The following SPTLC3 variants were observed in gnomAD, a reference collection of about 807,000 sequenced individuals.
SPTLC3 encodes the protein serine palmitoyltransferase long chain base subunit 3.
SPTLC3 carries 36 observed loss-of-function variants against 59.3 expected under a neutral mutation model. That is an observed-to-expected ratio of 0.61 (90% CI 0.47 to 0.80). The LOEUF is 0.80. Among genes scored for constraint, SPTLC3 ranks in the 30% least tolerant of loss-of-function variants. The probability of loss-of-function intolerance (pLI) is 0.00; values close to 1 mark genes in which losing one functional copy is unlikely to be tolerated. For missense variants in SPTLC3, 625 were observed against 685.1 expected (o/e 0.91, Z 0.98); for synonymous variants, 257 against 240.8 (o/e 1.07, Z -0.62).
intron 6 of SPTLC3, among the ~76,000 whole-genome samples, chr20:13,096,264 T>C (rs189752029): frequency 1.6e-4 from 25 of 152,232 alleles, no homozygotes; most frequent in African/African-American, 5.1e-4. Context: ...ACCCAGAAAT[T>C]CTATACCTAG....
At chr20:13,126,511 G>C in intron 8 of SPTLC3, 80 bp from the exon 9 acceptor site, 6 of 1,533,534 alleles carry the variant, frequency 3.9e-6, no homozygotes, top group Non-Finnish European at 5.3e-6. Context: ...TATGAGGATA[G>C]GGATGGGACT....
At chr20:13,040,372 T>A (rs1448252463) in intron 1 of SPTLC3, among the ~76,000 whole-genome samples, 2 of 152,138 alleles carry the variant, frequency 1.3e-5, no homozygotes, top group South Asian at 2.1e-4. Flanking sequence ...TTATACTTTT[T>A]TTTTTTTGAC....
At chr20:13,124,566 G>C (rs529032760) in intron 8 of SPTLC3, among the ~76,000 whole-genome samples, 50 of 152,112 alleles carry the variant, frequency 3.3e-4, no homozygotes, top group Admixed American at 5.9e-4. Flanking sequence ...ATAGAAGAAG[G>C]ACGGGTGAAA....
intron 9 of SPTLC3, among the ~76,000 whole-genome samples, chr20:13,137,863 C>T (rs549715809): frequency 6.6e-6 from 1 of 152,156 alleles, no homozygotes; most frequent in Non-Finnish European, 1.5e-5. Context: ...CTTCACCACA[C>T]AGACCTTCCT....
intron 8 of SPTLC3, among the ~76,000 whole-genome samples, chr20:13,119,112 G>A (rs936543769): frequency 2.6e-5 from 4 of 152,202 alleles, no homozygotes; most frequent in African/African-American, 9.6e-5. Flanking sequence ...GGAGCAGAGG[G>A]TCTCAAATTT....
chr20:13,028,660 G>A (rs1986278432), intron 1 of SPTLC3, among the ~76,000 whole-genome samples: 2 of 152,076 alleles, frequency 1.3e-5, no homozygotes, highest in South Asian at 4.2e-4. Flanking sequence ...TAGTATTTAG[G>A]AACTATTAGA....
chr20:13,099,037 C>A lies in SPTLC3; in HGVS notation c.826+5460C>A, dbSNP rs552950856. Among the ~76,000 whole-genome samples, 10 of 152,218 alleles carry A rather than the reference C, an allele frequency of 6.6e-5. No individual in the cohort carries two copies. The South Asian group carries it at 2.1e-3, about 32-fold the overall frequency. ...CCTCCAAAGACGTCCATGCCCTCAT[C>A]CCCAGAACCTACAAACATTATGTTG... is the stretch of plus-strand genomic sequence containing the variant. On this transcript the variant is annotated intron_variant, in intron 6 of 11. Transcript: ENST00000399002.
intron 10 of SPTLC3, 136 bp downstream of exon 10, chr20:13,154,274 C>A: frequency 8.9e-7 from 1 of 1,123,190 alleles, no homozygotes; most frequent in Non-Finnish European, 1.3e-6. Context: ...TTCTCGGAAG[C>A]CACCTGTCAC....
intron 5 of SPTLC3, among the ~76,000 whole-genome samples, chr20:13,092,949 T>C (rs949073519): frequency 6.6e-6 from 1 of 152,202 alleles, no homozygotes; most frequent in Non-Finnish European, 1.5e-5. Flanking sequence ...TCAGACTGAA[T>C]TGCCATCCAT....
At chr20:13,026,697 C>T (rs371554063) in intron 1 of SPTLC3, among the ~76,000 whole-genome samples, 1 of 152,136 alleles carries the variant, frequency 6.6e-6, no homozygotes, top group East Asian at 1.9e-4. Flanking sequence ...TGTTGAAACT[C>T]GGATGACCAT....
In SPTLC3 at chr20:13,113,058, CCATAATCCCA is replaced by C. The variant is rs531409882; in HGVS notation, c.932+2842_932+2851del. Among the ~76,000 whole-genome samples the C allele has an allele frequency of 2.3e-3, 344 of 152,162 alleles. 1 individual carries two copies. Among genetic ancestry groups the C allele is most frequent in the Middle Eastern group, 0.017 (5 of 292 alleles). On this transcript the variant is annotated intron_variant, in intron 7 of 11. Coordinates refer to ENST00000399002, the MANE Select transcript of SPTLC3 (RefSeq NM_018327.4). ...ATTAGCCAGGTGTGGTGGTGCACTC[CCATAATCCCA>C]GTTACTGAGGAGGCTAAGGCACAAG...
chr20:13,010,071 G>A (rs1367660790), intron 1 of SPTLC3, among the ~76,000 whole-genome samples: 1 of 151,376 alleles, frequency 6.6e-6, no homozygotes, highest in Admixed American at 6.6e-5. Flanking sequence ...ATTGCACCGG[G>A]ATGTTTGCAG....
chr20:13,120,610 TG>T (rs1295747446), intron 8 of SPTLC3, among the ~76,000 whole-genome samples: 1 of 152,172 alleles, frequency 6.6e-6, no homozygotes, highest in Non-Finnish European at 1.5e-5. Context: ...CTTTATGGAA[TG>T]GGTCAAGGTC....
chr20:13,086,979 G>C (rs948889783), intron 4 of SPTLC3, among the ~76,000 whole-genome samples: 15 of 151,952 alleles, frequency 9.9e-5, no homozygotes, highest in African/African-American at 3.6e-4. Flanking sequence ...TTATTTTTTA[G>C]AGATGGGGTT....
intron 4 of SPTLC3, among the ~76,000 whole-genome samples, chr20:13,078,377 C>G (rs6134773): frequency 0.27 from 41,498 of 151,044 alleles, 5,861 homozygotes; most frequent in Middle Eastern, 0.34. Flanking sequence ...AACTGATTAT[C>G]TTCATAGATG....
intron 9 of SPTLC3, 72 bp from the exon 10 acceptor site, chr20:13,153,931 G>C: frequency 6.3e-7 from 1 of 1,577,220 alleles, no homozygotes; most frequent in Non-Finnish European, 8.6e-7. Flanking sequence ...AAAGATGCTT[G>C]CCAAGTTGAC....
intron 11 of SPTLC3, among the ~76,000 whole-genome samples, chr20:13,160,600 C>A (rs889597189): frequency 1.3e-5 from 2 of 152,198 alleles, no homozygotes; most frequent in Non-Finnish European, 2.9e-5. Flanking sequence ...TTTAAAATTG[C>A]CTTTTATTGT....
chr20:13,088,439 A>C (rs1240043640), intron 4 of SPTLC3, among the ~76,000 whole-genome samples: 1 of 151,740 alleles, frequency 6.6e-6, no homozygotes, highest in African/African-American at 2.4e-5. Context: ...GGTTCACATC[A>C]TTCTCCTGCC....
intron 1 of SPTLC3, among the ~76,000 whole-genome samples, chr20:13,043,299 C>A (rs1159317600): frequency 2.0e-5 from 3 of 152,162 alleles, no homozygotes; most frequent in African/African-American, 7.2e-5. Flanking sequence ...ACCTTCCTGC[C>A]CTTGTAGATC....
Sources: gnomAD v4.1 joint callset for allele counts (sites outside exome capture counted in the v4.1 genomes callset) on GRCh38, gnomAD v4.1.1 for gene constraint, MANE v1.5 for transcripts, NCBI Gene and HGNC (gene_info 2026-07-23, HGNC 2026-07-21) for gene names.